Variants in LPP observed in about 807,000 individuals in gnomAD.
LPP encodes the protein lipoma-preferred partner.
A neutral mutation model predicts 60.4 loss-of-function variants in LPP; 38 were observed. That is an observed-to-expected ratio of 0.63 (90% CI 0.49 to 0.83). LPP has a LOEUF of 0.83. LPP is among the 40% of genes least tolerant of loss of function. The probability of loss-of-function intolerance (pLI) is 0.00; values close to 1 mark genes in which losing one functional copy is unlikely to be tolerated. For synonymous variants in LPP, 328 were observed against 290.8 expected, an observed-to-expected ratio of 1.13 and a Z score of -1.30; for missense variants, 902 against 783.6, an observed-to-expected ratio of 1.15 and a Z score of -1.80.
At chr3:188,795,977 G>A (rs943127857) in intron 9 of LPP, among the ~76,000 whole-genome samples, 2 of 152,098 alleles carry the variant, frequency 1.3e-5, no homozygotes, top group Non-Finnish European at 2.9e-5. Flanking sequence ...AGAAGAAAAT[G>A]CTTATCCAGT....
intron 4 of LPP, among the ~76,000 whole-genome samples, chr3:188,432,463 C>T (rs1300487739): frequency 6.6e-6 from 1 of 151,992 alleles, no homozygotes; most frequent in African/African-American, 2.4e-5. Context: ...GCTGAAGGCA[C>T]GAAGTTCTAA....
At chr3:188,311,192 C>T (rs1753283383) in intron 2 of LPP, among the ~76,000 whole-genome samples, 2 of 151,600 alleles carry the variant, frequency 1.3e-5, no homozygotes, top group South Asian at 4.2e-4. Flanking sequence ...TATATGCTCT[C>T]TCTCTCTCTC....
chr3:188,708,213 C>T (rs980751054), intron 7 of LPP, 54 bp from the exon 8 acceptor site: 8 of 1,600,574 alleles, frequency 5.0e-6, no homozygotes, highest in Non-Finnish European at 5.1e-6. Flanking sequence ...GGCTGACTGC[C>T]TTGGTTGATG....
chr3:188,339,201 G>C (rs1215628193), intron 2 of LPP, among the ~76,000 whole-genome samples: 1 of 152,122 alleles, frequency 6.6e-6, no homozygotes, highest in Non-Finnish European at 1.5e-5. Context: ...AGGATAACTG[G>C]CTTCATTACC....
intron 7 of LPP, among the ~76,000 whole-genome samples, chr3:188,613,276 A>ATATCTATATCTATATC (rs1553944195): frequency 5.6e-4 from 78 of 139,630 alleles, no homozygotes; most frequent in African/African-American, 1.9e-3. Flanking sequence ...ATCTATATCT[A>ATATCTATATCTATATC]TATCTATATC....
chr3:188,613,362 G>C, intron 7 of LPP, among the ~76,000 whole-genome samples: 1 of 144,006 alleles, frequency 6.9e-6, no homozygotes. Flanking sequence ...ATTTAGATAA[G>C]GTGGCTCAGC....
chr3:188,683,175 A>AG (rs1859903765), intron 7 of LPP, among the ~76,000 whole-genome samples: 1 of 152,002 alleles, frequency 6.6e-6, no homozygotes, highest in Non-Finnish European at 1.5e-5. Context: ...GAACTCTCCA[A>AG]GGCCTATTTT....
chr3:188,543,817 G>T (rs1319277696), intron 6 of LPP, among the ~76,000 whole-genome samples: 5 of 152,182 alleles, frequency 3.3e-5, no homozygotes, highest in Admixed American at 3.3e-4. Flanking sequence ...AGATGGCATT[G>T]TAAAAGAATG....
intron 5 of LPP, among the ~76,000 whole-genome samples, chr3:188,500,203 A>G (rs1811425163): frequency 6.6e-6 from 1 of 152,010 alleles, no homozygotes; most frequent in Admixed American, 6.6e-5. Flanking sequence ...TCAGTCTTTT[A>G]TCATTGAGTA....
At chr3:188,647,854 T>C (rs1456272419) in intron 7 of LPP, among the ~76,000 whole-genome samples, 1 of 152,172 alleles carries the variant, frequency 6.6e-6, no homozygotes, top group Non-Finnish European at 1.5e-5. Context: ...TCTTTCATAA[T>C]TAAAGGTGAG....
At chr3:188,219,072 C>T (rs538329545) in intron 1 of LPP, among the ~76,000 whole-genome samples, 89 of 56,378 alleles carry the variant, frequency 1.6e-3, no homozygotes, top group African/African-American at 2.3e-3. Context: ...CTTTTAGGGG[C>T]GGGGTGGGGG....
chr3:188,677,652 A>G (rs1357620617), intron 7 of LPP, among the ~76,000 whole-genome samples: 4 of 152,188 alleles, frequency 2.6e-5, no homozygotes, highest in African/African-American at 4.8e-5. Flanking sequence ...GAAGCGTTCC[A>G]TGAGCTGCTC....
intron 9 of LPP, among the ~76,000 whole-genome samples, chr3:188,823,086 T>A (rs1460397768): frequency 6.6e-6 from 1 of 152,172 alleles, no homozygotes; most frequent in African/African-American, 2.4e-5. Context: ...CCAGCCAATC[T>A]GTGAGCCAGA....
chr3:188,599,751 G>GGTGTGTGTGTGTGTGTGTGTGTGT (rs71169011), intron 6 of LPP, among the ~76,000 whole-genome samples: 54 of 139,904 alleles, frequency 3.9e-4, no homozygotes, highest in African/African-American at 1.4e-3. Flanking sequence ...ACTCGTTAGG[G>GGTGTGTGTGTGTGTGTGTGTGTGT]GTGTGTGTGT....
chr3:188,803,242 G>T (rs1747881693), intron 9 of LPP, among the ~76,000 whole-genome samples: 1 of 151,740 alleles, frequency 6.6e-6, no homozygotes, highest in South Asian at 2.1e-4. Flanking sequence ...ATGGAGTTTT[G>T]CCCTGTTGGC....
intron 3 of LPP, among the ~76,000 whole-genome samples, chr3:188,359,542 A>G (rs1349987917): frequency 6.6e-6 from 1 of 152,200 alleles, no homozygotes; most frequent in Non-Finnish European, 1.5e-5. Flanking sequence ...AGAGGCAGTA[A>G]GTGGACTGTA....
chr3:188,607,824 T>C (rs1165239684), intron 6 of LPP, among the ~76,000 whole-genome samples: 3 of 152,194 alleles, frequency 2.0e-5, no homozygotes, highest in African/African-American at 4.8e-5. Context: ...AGATTACTTA[T>C]TTATCTATGA....
At chr3:188,275,299 G>A (rs1325644541) in intron 2 of LPP, among the ~76,000 whole-genome samples, 1 of 152,156 alleles carries the variant, frequency 6.6e-6, no homozygotes, top group African/African-American at 2.4e-5. Context: ...TAGAGTGCGG[G>A]TCAATCTAAT....
chr3:188,434,577 A>T (rs1791836853), intron 4 of LPP, among the ~76,000 whole-genome samples: 1 of 152,202 alleles, frequency 6.6e-6, no homozygotes, highest in Admixed American at 6.5e-5. Context: ...TTTAAGCTAA[A>T]TATTTTCTTG....
Sources: allele counts gnomAD v4.1 joint callset (sites outside exome capture counted in the v4.1 genomes callset), GRCh38; gene constraint gnomAD v4.1.1; transcripts MANE v1.5; gene names NCBI Gene and HGNC (gene_info 2026-07-23, HGNC 2026-07-21).